Variants in ERGIC2 observed in about 807,000 individuals in gnomAD.
The protein encoded by ERGIC2 is endoplasmic reticulum-Golgi intermediate compartment protein 2.
A neutral mutation model predicts 52.5 loss-of-function variants in ERGIC2; 31 were observed. The observed-to-expected ratio is 0.59, with a 90% CI of 0.44 to 0.80. ERGIC2 has a LOEUF of 0.80. Ranked by LOEUF, ERGIC2 falls within the 30% of genes least tolerant of loss-of-function variation. The probability of loss-of-function intolerance (pLI) is 0.00; values close to 1 mark genes in which losing one functional copy is unlikely to be tolerated. For missense variants in ERGIC2, 395 were observed against 455.2 expected (o/e 0.87, Z 1.20); for synonymous variants, 129 against 140.6 (o/e 0.92, Z 0.58).
chr12:29,361,150 G>C (rs1406522046), intron 6 of ERGIC2, among the ~76,000 whole-genome samples: 1 of 152,254 alleles, frequency 6.6e-6, no homozygotes, highest in Middle Eastern at 3.4e-3. Context: ...TACTCAGGAG[G>C]CTGAGGCAGG....
intron 11 of ERGIC2, among the ~76,000 whole-genome samples, chr12:29,343,759 T>G (rs1312741952): frequency 1.3e-5 from 2 of 152,196 alleles, no homozygotes; most frequent in East Asian, 3.8e-4. Flanking sequence ...TGACTACATC[T>G]TAAAGCTCTA....
intron 1 of ERGIC2, among the ~76,000 whole-genome samples, chr12:29,380,147 T>G (rs1940567815): frequency 6.6e-6 from 1 of 152,138 alleles, no homozygotes; most frequent in Non-Finnish European, 1.5e-5. Context: ...TTCCTCATGT[T>G]TTCCACTAGA....
At chr12:29,357,550 C>G in intron 7 of ERGIC2, 73 bp downstream of exon 7, 1 of 816,258 alleles carries the variant, frequency 1.2e-6, no homozygotes, top group South Asian at 1.5e-5. Flanking sequence ...GAAAACTAAA[C>G]CAACACTTTA....
At chr12:29,356,357 T>C (rs370473095) in intron 8 of ERGIC2, 25 bp downstream of exon 8, 1 of 1,331,556 alleles carries the variant, frequency 7.5e-7, no homozygotes, top group Non-Finnish European at 1.1e-6. Flanking sequence ...GTCTAAAGTA[T>C]TTTCAGTAAG....
At chr12:29,367,866 G>A (rs1396967905) in intron 4 of ERGIC2, among the ~76,000 whole-genome samples, 1 of 151,768 alleles carries the variant, frequency 6.6e-6, no homozygotes, top group Non-Finnish European at 1.5e-5. Context: ...TTAAACGCAA[G>A]AGTAAACATA....
intron 6 of ERGIC2, among the ~76,000 whole-genome samples, chr12:29,361,384 T>C (rs1940284819): frequency 1.3e-5 from 2 of 152,200 alleles, no homozygotes; most frequent in South Asian, 4.1e-4. Context: ...ATTACTTTTG[T>C]AATCAAAAAA....
intron 7 of ERGIC2, among the ~76,000 whole-genome samples, chr12:29,357,171 T>C (rs1223123354): frequency 6.6e-6 from 1 of 152,108 alleles, no homozygotes; most frequent in Non-Finnish European, 1.5e-5. Context: ...AGTTTCACCA[T>C]GTTGGTCAGG....
chr12:29,341,687 T>C lies in ERGIC2; in HGVS notation c.1071+47A>G, dbSNP rs776296164. ...CATGACTGGCTCATAGACTTAACAA[T>C]GATTCTAAGATTTAGAGATCAGCAC... is the stretch of plus-strand genomic sequence containing the variant. On this transcript the variant is annotated intron_variant, in intron 13 of 13. Transcript: ENST00000360150. 23 of 996,338 alleles carry C rather than the reference T, an allele frequency of 2.3e-5. No homozygotes were observed. In the South Asian group the frequency reaches 2.8e-4, roughly 12 times the overall value. The allele number at this position is 996,338 out of a possible 1,614,324, so 61.7% of individuals were successfully genotyped here.
In ERGIC2 at chr12:29,357,485, C is replaced by T. The variant is rs527298894; in HGVS notation, c.476+138G>A. ...AGGCTATAAATTTAAGAGCAAAAGG[C>T]GTCTTTATAGTACAGAATGATTCTA... is the stretch of plus-strand genomic sequence containing the variant. On this transcript the variant is annotated intron_variant, in intron 7 of 13. Transcript: ENST00000360150. The T allele has an allele frequency of 5.3e-5, 28 of 531,156 alleles. No homozygotes were observed. In the East Asian group the frequency reaches 6.4e-4, roughly 12 times the overall value. 32.9% of individuals were successfully genotyped at this position (531,156 alleles called of 1,614,324 possible). A position where few individuals can be genotyped will look rare whatever the true frequency, so the allele number is the denominator to read the frequency against.
At chr12:29,355,849 C>T (rs1453557617) in intron 8 of ERGIC2, among the ~76,000 whole-genome samples, 1 of 152,086 alleles carries the variant, frequency 6.6e-6, no homozygotes, top group Admixed American at 6.5e-5. Context: ...CTTTAATATA[C>T]AAAACATGAG....
intron 2 of ERGIC2, 50 bp from the exon 3 acceptor site, chr12:29,370,272 G>A (rs1940423670): frequency 6.8e-7 from 1 of 1,480,428 alleles, no homozygotes; most frequent in South Asian, 1.4e-5. Flanking sequence ...AATAAAAAAA[G>A]CAAAGAATAG....
chr12:29,363,432 T>C (rs1329850355), intron 5 of ERGIC2, among the ~76,000 whole-genome samples: 1 of 151,822 alleles, frequency 6.6e-6, no homozygotes, highest in African/African-American at 2.4e-5. Context: ...TAAACACTTT[T>C]ATATAAATTA....
chr12:29,365,561 A>G (rs1265550468), intron 5 of ERGIC2, among the ~76,000 whole-genome samples: 1 of 151,928 alleles, frequency 6.6e-6, no homozygotes, highest in East Asian at 1.9e-4. Flanking sequence ...GCATTACACA[A>G]TATACTCAGG....
chr12:29,351,568 C>G (rs1309838099), intron 8 of ERGIC2, among the ~76,000 whole-genome samples: 1 of 152,144 alleles, frequency 6.6e-6, no homozygotes, highest in Non-Finnish European at 1.5e-5. Context: ...CTCAAAATCT[C>G]CTGGCTTGTT....
rs1191918356 is a variant in ERGIC2 at position 29,340,086 on chromosome 12, G to A, written c.*1070C>T. ...GAAAGTTAGAACACAATCTAATACAGAATCAATCATATTCAGGACACCCTG... is the reference window on the plus strand; with the variant it reads ...GAAAGTTAGAACACAATCTAATACAAAATCAATCATATTCAGGACACCCTG... On this transcript the variant is annotated 3_prime_UTR_variant, in exon 14 of 14. Coordinates refer to ENST00000360150, the MANE Select transcript of ERGIC2 (RefSeq NM_016570.3). The A allele has an allele frequency of 4.6e-5, 7 of 152,072 alleles. No individual in the cohort carries two copies. The highest frequency in any genetic ancestry group is 1.2e-4 in the African/African-American group (5 of 41,442). 9.4% of individuals were successfully genotyped at this position (152,072 alleles called of 1,614,324 possible). A position where few individuals can be genotyped will look rare whatever the true frequency, so the allele number is the denominator to read the frequency against.
chr12:29,372,909 G>A (rs1462505585), intron 1 of ERGIC2: 7 of 151,144 alleles, frequency 4.6e-5, no homozygotes, highest in East Asian at 1.9e-4. Context: ...CACCCACCTC[G>A]GCCTCTCAAA....
intron 8 of ERGIC2, among the ~76,000 whole-genome samples, chr12:29,356,117 G>A (rs1940200472): frequency 1.3e-5 from 2 of 152,016 alleles, no homozygotes; most frequent in African/African-American, 2.4e-5. Context: ...CGCCTCCTGG[G>A]TTCAAGCGAT....
In ERGIC2 at chr12:29,355,250, T is replaced by C. The variant is rs555130877; in HGVS notation, c.572+1132A>G. On this transcript the variant is annotated intron_variant, in intron 8 of 13. Transcript: ENST00000360150. Reference sequence around the variant, plus strand: ...TTCTCCTTTACAGGCTCAATACAACTATAATTAAATAATTATTAATGTATT... The same window carrying C: ...TTCTCCTTTACAGGCTCAATACAACCATAATTAAATAATTATTAATGTATT... 2.0e-5 allele frequency among the ~76,000 whole-genome samples: 3 copies of C among 152,312 alleles called. No individual in the cohort carries two copies. In the East Asian group the frequency reaches 5.8e-4, roughly 29 times the overall value.
chr12:29,368,358 G>A, intron 3 of ERGIC2, 71 bp from the exon 4 acceptor site: 1 of 798,262 alleles, frequency 1.3e-6, no homozygotes, highest in Non-Finnish European at 2.1e-6. Context: ...TAAATCAACT[G>A]ACCTATTAAA....
Sources: gnomAD v4.1 joint callset for allele counts (sites outside exome capture counted in the v4.1 genomes callset) on GRCh38, gnomAD v4.1.1 for gene constraint, MANE v1.5 for transcripts, NCBI Gene and HGNC (gene_info 2026-07-23, HGNC 2026-07-21) for gene names.